The following ADCY10 variants were observed in gnomAD, a reference collection of about 807,000 sequenced individuals.
ADCY10 encodes adenylate cyclase type 10.
Under a neutral mutation model 183.3 loss-of-function variants are expected in ADCY10, and 156 were observed. That is an observed-to-expected ratio of 0.85 (90% CI 0.75 to 0.97). ADCY10 has a LOEUF of 0.97. Among genes scored for constraint, ADCY10 ranks in the 50% least tolerant of loss-of-function variants. The pLI is 0.00. For missense variants in ADCY10, 1,745 were observed against 1,934.3 expected (o/e 0.90, Z 1.84); for synonymous variants, 645 against 670.0 (o/e 0.96, Z 0.58).
intron 14 of ADCY10, among the ~76,000 whole-genome samples, chr1:167,869,730 G>A (rs576083238): frequency 6.6e-6 from 1 of 152,136 alleles, no homozygotes; most frequent in Non-Finnish European, 1.5e-5. Context: ...AATCGATCAC[G>A]ACCCTCTCAT....
rs1466855493 is a variant in ADCY10, at chr1:167,856,430, C to T, written c.1906G>A (p.Glu636Lys). The T allele has an allele frequency of 6.2e-7, 1 of 1,614,178 alleles. No homozygotes were observed. The highest frequency in any genetic ancestry group is 8.5e-7 in the Non-Finnish European group (1 of 1,180,038). The change falls in exon 17 of 33, where the codon GAG becomes AAG. Residue 636 changes from glutamate (E) to lysine (K), a missense_variant. Transcript: ENST00000367851. ...FMKILKLIVKEERIIFIIDEA... is the reference protein window; with the variant it reads ...FMKILKLIVKKERIIFIIDEA... ...TCAATGATAAAAATAATCCTTTCCT[C>T]TTTCACTATCTGGACAAGATGCAGA...
chr1:167,871,315 A>G (rs1208294577), intron 13 of ADCY10, among the ~76,000 whole-genome samples: 3 of 152,230 alleles, frequency 2.0e-5, no homozygotes, highest in Non-Finnish European at 2.9e-5. Flanking sequence ...TCATGTACAG[A>G]TTATTTCTAT....
At chr1:167,890,774 T>C (rs1471070182) in intron 8 of ADCY10, among the ~76,000 whole-genome samples, 1 of 152,198 alleles carries the variant, frequency 6.6e-6, no homozygotes, top group Non-Finnish European at 1.5e-5. Flanking sequence ...AGGTATCTTC[T>C]GGAATGTTTT....
At position 167,883,485 on chromosome 1, in the gene ADCY10, G is replaced by A; in HGVS notation, c.972C>T (p.Val324=). The change falls in exon 9 of 33, where the codon GTC becomes GTT. Residue 324 remains valine, a synonymous_variant. Transcript: ENST00000367851. ...TGATTTGGCCTTGGAAGATCTTCAG[G>A]ACAGAAGTGATGTGCATATAGGCAT... ...IQDAYMHITS[V]LKIFQGQINK... 1 of 1,614,196 alleles carries A rather than the reference G, an allele frequency of 6.2e-7. No individual in the cohort carries two copies. The highest frequency in any genetic ancestry group is 8.5e-7 in the Non-Finnish European group (1 of 1,180,036).
intron 26 of ADCY10, 103 bp downstream of exon 26, chr1:167,829,164 A>C (rs1663528329): frequency 7.2e-7 from 1 of 1,386,910 alleles, no homozygotes; most frequent in Non-Finnish European, 1.0e-6. Context: ...AAAGCCTTCT[A>C]TTATTATATC....
intron 7 of ADCY10, among the ~76,000 whole-genome samples, chr1:167,895,136 C>T (rs938442608): frequency 2.0e-5 from 3 of 150,080 alleles, no homozygotes; most frequent in East Asian, 3.9e-4. Context: ...GAGCCCATAT[C>T]GCGCCAGTGC....
At chr1:167,848,320 A>T in intron 19 of ADCY10, 41 bp downstream of exon 19, 1 of 1,583,670 alleles carries the variant, frequency 6.3e-7, no homozygotes, top group South Asian at 1.1e-5. Flanking sequence ...AAGTGCTGGG[A>T]TTACAGGCGT....
rs192031440 is a variant in ADCY10, at chr1:167,903,211, G to A, written c.253+676C>T. ...GCAGAGGCTGCAGTGAGCTGAGATC[G>A]TGCCACTGCACTCCAGCCTGGGAGA... On this transcript the variant is annotated intron_variant, in intron 3 of 32. Coordinates refer to ENST00000367851, the MANE Select transcript of ADCY10 (RefSeq NM_018417.6). Among the ~76,000 whole-genome samples the A allele has an allele frequency of 1.6e-4, 24 of 152,058 alleles. No homozygotes were observed. The East Asian group carries it at 2.5e-3, about 16-fold the overall frequency.
At chr1:167,902,115 C>T (rs1237626574) in intron 3 of ADCY10, 61 bp from the exon 4 acceptor site, 3 of 1,492,694 alleles carry the variant, frequency 2.0e-6, no homozygotes, top group Non-Finnish European at 2.8e-6. Context: ...AAAAAAACAT[C>T]ATTCTTTCTT....
intron 16 of ADCY10, among the ~76,000 whole-genome samples, chr1:167,857,650 C>T (rs922492849): frequency 6.6e-6 from 1 of 152,204 alleles, no homozygotes; most frequent in African/African-American, 2.4e-5. Flanking sequence ...ATTATACTTA[C>T]TATGTTCCAA....
At chr1:167,896,519 G>T (rs1201731584) in intron 7 of ADCY10, 76 bp downstream of exon 7, 3 of 1,180,988 alleles carry the variant, frequency 2.5e-6, no homozygotes, top group Non-Finnish European at 2.5e-6. Flanking sequence ...CACCAGTAAT[G>T]AAGCTGTCGG....
chr1:167,888,875 CAAAAAAAAAA>C (rs748603972), intron 8 of ADCY10, among the ~76,000 whole-genome samples: 19 of 94,168 alleles, frequency 2.0e-4, no homozygotes, highest in African/African-American at 8.0e-4. Flanking sequence ...GACTCCGTCT[CAAAAAAAAAA>C]AAAAAGAAAA....
chr1:167,856,024 A>G, intron 17 of ADCY10, 141 bp downstream of exon 17: 1 of 957,938 alleles, frequency 1.0e-6, no homozygotes, highest in Non-Finnish European at 1.6e-6. Context: ...GAAAAAAAGA[A>G]AAGAAAAATT....
intron 12 of ADCY10, among the ~76,000 whole-genome samples, chr1:167,875,430 C>T (rs1041380994): frequency 5.9e-5 from 9 of 152,208 alleles, no homozygotes; most frequent in African/African-American, 1.9e-4. Flanking sequence ...TCAATAAATG[C>T]TGTTGAGTCT....
chr1:167,857,005 C>T (rs1053656339), intron 16 of ADCY10, among the ~76,000 whole-genome samples: 1 of 152,214 alleles, frequency 6.6e-6, no homozygotes, highest in Non-Finnish European at 1.5e-5. Flanking sequence ...AGACTACCCT[C>T]CCCTAAGTAG....
chr1:167,900,429 A>C (rs763795466), intron 5 of ADCY10, among the ~76,000 whole-genome samples: 2 of 152,222 alleles, frequency 1.3e-5, no homozygotes, highest in East Asian at 1.9e-4. Flanking sequence ...GGTTCCCATC[A>C]TTCTCAAGAA....
At chr1:167,810,651 C>A in intron 32 of ADCY10, 74 bp downstream of exon 32, 1 of 1,440,418 alleles carries the variant, frequency 6.9e-7, no homozygotes, top group Non-Finnish European at 9.7e-7. Context: ...TGAAACCTAA[C>A]CAGGCAGTAG....
Position 167,860,853 on chromosome 1 carries a change from A to G in ADCY10, c.1809+18T>C, listed in dbSNP as rs756397000. ...TGCCCATGGCTATTTGTGCAGAAGT[A>G]TAATACTAGCTAGTTACCTGAACAT... On this transcript the variant is annotated intron_variant, in intron 15 of 32. Transcript: ENST00000367851. 5.6e-6 allele frequency: 9 copies of G among 1,609,132 alleles called. No homozygotes were observed. The highest frequency in any genetic ancestry group is 2.2e-5 in the East Asian group (1 of 44,856).
intron 11 of ADCY10, 75 bp from the exon 12 acceptor site, chr1:167,878,710 C>T: frequency 6.9e-7 from 1 of 1,453,674 alleles, no homozygotes; most frequent in Non-Finnish European, 9.6e-7. Flanking sequence ...AAACATTGTC[C>T]CCAAATAGCA....
Sources: gnomAD v4.1 joint callset for allele counts (sites outside exome capture counted in the v4.1 genomes callset) on GRCh38, gnomAD v4.1.1 for gene constraint, MANE v1.5 for transcripts, NCBI Gene and HGNC (gene_info 2026-07-23, HGNC 2026-07-21) for gene names.